The following MBNL1 variants were observed in gnomAD, a reference collection of about 807,000 sequenced individuals.
MBNL1 encodes muscleblind like splicing regulator 1, also known as muscleblind-like protein 1.
MBNL1 carries 8 observed loss-of-function variants against 42.2 expected under a neutral mutation model. The observed-to-expected ratio is 0.19, with a 90% confidence interval of 0.11 to 0.34. The LOEUF (loss-of-function observed/expected upper bound fraction) is 0.34. MBNL1 is among the 10% of genes least tolerant of loss of function. The probability of loss-of-function intolerance (pLI) is 1.00; values close to 1 mark genes in which losing one functional copy is unlikely to be tolerated. For missense variants in MBNL1, 309 were observed against 495.3 expected (o/e 0.62, Z 3.57); for synonymous variants, 169 against 173.9 (o/e 0.97, Z 0.22).
intron 1 of MBNL1, among the ~76,000 whole-genome samples, chr3:152,270,481 C>T (rs983214124): frequency 2.0e-5 from 3 of 152,156 alleles, no homozygotes; most frequent in African/African-American, 7.2e-5. Flanking sequence ...AGCCACTCCA[C>T]AGTTATCTCT....
At chr3:152,378,132 A>ATC (rs2096995119) in intron 2 of MBNL1, among the ~76,000 whole-genome samples, 1 of 152,016 alleles carries the variant, frequency 6.6e-6, no homozygotes, top group African/African-American at 2.4e-5. Flanking sequence ...AGGCCAGGAG[A>ATC]TCGAGACCAG....
At chr3:152,445,592 G>A (rs564249572) in intron 5 of MBNL1, 53 bp downstream of exon 5, 56 of 1,550,188 alleles carry the variant, frequency 3.6e-5, no homozygotes, top group Non-Finnish European at 4.8e-5. Flanking sequence ...AGCAAAGTGA[G>A]CAACTATATC....
In MBNL1 at chr3:152,389,944, C is replaced by T. The variant is rs376046467; in HGVS notation, c.175-24997C>T. ...AGGCTGGACTGCAGTAGCACGATCT[C>T]AGCTCACTGCAACATATGCCTCCCG... is the stretch of plus-strand genomic sequence containing the variant. On this transcript the variant is annotated intron_variant, in intron 2 of 9. Transcript: ENST00000324210. Among the ~76,000 whole-genome samples, 6 of 152,088 alleles carry T rather than the reference C, an allele frequency of 3.9e-5. No homozygotes were observed. In the East Asian group the frequency reaches 7.7e-4, roughly 20 times the overall value.
At chr3:152,319,573 G>C (rs1055765362) in intron 2 of MBNL1, among the ~76,000 whole-genome samples, 2 of 131,136 alleles carry the variant, frequency 1.5e-5, no homozygotes, top group African/African-American at 5.8e-5. Flanking sequence ...TTTCTTGACT[G>C]TTCTGAGGCC....
chr3:152,335,226 T>TGA, intron 2 of MBNL1: 1 of 1,289,778 alleles, frequency 7.8e-7, no homozygotes, highest in Non-Finnish European at 1.0e-6. Flanking sequence ...GGCTAATGGA[T>TGA]GCTGGTGAGT....
At position 152,428,765 on chromosome 3, in the gene MBNL1, G is replaced by A. The variant is rs904874996; in HGVS notation, c.346-3952G>A. On this transcript the variant is annotated intron_variant, in intron 3 of 9. Transcript: ENST00000324210. ...GGCATTCACGGTTTAAAAGTCCTCCGGATGATTTTAATGGACACCTGGTTC... is the reference window on the plus strand; with the variant it reads ...GGCATTCACGGTTTAAAAGTCCTCCAGATGATTTTAATGGACACCTGGTTC... Among the ~76,000 whole-genome samples, 5 of 152,130 alleles carry A rather than the reference G, an allele frequency of 3.3e-5. No homozygotes were observed. The East Asian group carries it at 5.8e-4, about 18-fold the overall frequency.
intron 1 of MBNL1, chr3:152,298,887 A>G (rs766836978): frequency 2.6e-5 from 4 of 152,166 alleles, no homozygotes; most frequent in African/African-American, 4.8e-5. Flanking sequence ...GTCAGCTGCA[A>G]TTTTTAAACC....
intron 2 of MBNL1, among the ~76,000 whole-genome samples, chr3:152,390,270 T>A (rs2097652541): frequency 6.6e-6 from 1 of 151,890 alleles, no homozygotes; most frequent in Non-Finnish European, 1.5e-5. Flanking sequence ...TTTTTTTTTT[T>A]ATTTTGTAAA....
chr3:152,426,170 G>A (rs1447791749), intron 3 of MBNL1, among the ~76,000 whole-genome samples: 1 of 151,654 alleles, frequency 6.6e-6, no homozygotes, highest in African/African-American at 2.4e-5. Context: ...GGCACGGGGG[G>A]GGAACATCAC....
chr3:152,407,736 C>G (rs561595265), intron 2 of MBNL1, among the ~76,000 whole-genome samples: 10 of 152,114 alleles, frequency 6.6e-5, no homozygotes, highest in African/African-American at 2.4e-4. Context: ...ACCCAAATGC[C>G]CATCAATGAT....
chr3:152,277,233 A>G (rs2045773412), intron 1 of MBNL1, among the ~76,000 whole-genome samples: 2 of 152,148 alleles, frequency 1.3e-5, no homozygotes, highest in Admixed American at 6.5e-5. Flanking sequence ...AAGGTCACCA[A>G]ATTCTTTGTC....
chr3:152,426,602 C>G (rs2153721258), intron 3 of MBNL1, among the ~76,000 whole-genome samples: 1 of 152,248 alleles, frequency 6.6e-6, no homozygotes, highest in Admixed American at 6.5e-5. Context: ...TCAAAGAGCT[C>G]TACATAAGCA....
chr3:152,296,281 G>GA (rs2058501038), intron 1 of MBNL1, among the ~76,000 whole-genome samples: 1 of 152,190 alleles, frequency 6.6e-6, no homozygotes. Context: ...AGGAACTGCT[G>GA]AAAGACAGGG....
chr3:152,302,159 A>G (rs549791830), intron 2 of MBNL1: 2 of 152,220 alleles, frequency 1.3e-5, no homozygotes, highest in Non-Finnish European at 2.9e-5. Flanking sequence ...GTGGTTAACA[A>G]GATTCAACTG....
chr3:152,348,302 T>C (rs1413321542), intron 2 of MBNL1, among the ~76,000 whole-genome samples: 1 of 152,148 alleles, frequency 6.6e-6, no homozygotes, highest in African/African-American at 2.4e-5. Context: ...TAAGCCAATG[T>C]GTATTTACTG....
intron 2 of MBNL1, among the ~76,000 whole-genome samples, chr3:152,355,914 A>G (rs544386643): frequency 2.6e-5 from 4 of 152,206 alleles, no homozygotes; most frequent in South Asian, 2.1e-4. Context: ...CATGTGCAAC[A>G]TGTGTTGTGC....
At chr3:152,414,241 T>C (rs988913468) in intron 2 of MBNL1, among the ~76,000 whole-genome samples, 6 of 152,224 alleles carry the variant, frequency 3.9e-5, no homozygotes, top group African/African-American at 1.4e-4. Flanking sequence ...TTTTGGAGGG[T>C]AAATATATCC....
chr3:152,272,039 TTCTC>T (rs139763690), intron 1 of MBNL1, among the ~76,000 whole-genome samples: 16,321 of 147,578 alleles, frequency 0.11, 1,083 homozygotes, highest in Middle Eastern at 0.18. Flanking sequence ...CCTGTTTCTT[TTCTC>T]TCTCTCTCTC....
chr3:152,323,714 G>A (rs1176633409), intron 2 of MBNL1, among the ~76,000 whole-genome samples: 2 of 152,094 alleles, frequency 1.3e-5, no homozygotes, highest in African/African-American at 4.8e-5. Context: ...ATACTCAAAC[G>A]TAGAAAAGAT....
Sources: gnomAD v4.1 joint callset for allele counts (sites outside exome capture counted in the v4.1 genomes callset) on GRCh38, gnomAD v4.1.1 for gene constraint, MANE v1.5 for transcripts, NCBI Gene and HGNC (gene_info 2026-07-23, HGNC 2026-07-21) for gene names.